IGF2BP3: variants seen among roughly 807,000 people sequenced by gnomAD.
IGF2BP3 encodes the protein insulin-like growth factor 2 mRNA-binding protein 3.
IGF2BP3 carries 9 observed loss-of-function variants against 73.8 expected under a neutral mutation model. The ratio of observed to expected loss-of-function variants is 0.12; its 90% CI spans 0.07 to 0.21. The LOEUF is 0.21. Ranked by LOEUF, IGF2BP3 falls within the 10% of genes least tolerant of loss-of-function variation. The pLI, the probability that IGF2BP3 is intolerant of heterozygous loss-of-function variation, is 1.00. For synonymous variants in IGF2BP3, 258 were observed against 256.7 expected (o/e 1.01, Z -0.05); for missense variants, 542 against 714.0 (o/e 0.76, Z 2.75).
Position 23,463,330 on chromosome 7 carries a change from TA to T in IGF2BP3, c.236+5151del, listed in dbSNP as rs1788492994. The stretch of plus-strand genomic sequence containing the variant: ...CCCAATCCTATAACCACACATTAAC[TA>T]AACTTGTGTCGCTCATAATAGTTTC... On this transcript the variant is annotated intron_variant, in intron 2 of 14. Coordinates refer to ENST00000258729, the MANE Select transcript of IGF2BP3 (RefSeq NM_006547.3). Among the ~76,000 whole-genome samples, 3 of 152,322 alleles carry T rather than the reference TA, an allele frequency of 2.0e-5. No homozygotes were observed. The South Asian group carries it at 6.2e-4, about 32-fold the overall frequency.
chr7:23,424,359 G>A (rs1393766320), intron 2 of IGF2BP3, among the ~76,000 whole-genome samples: 6 of 151,758 alleles, frequency 4.0e-5, no homozygotes, highest in South Asian at 2.1e-4. Flanking sequence ...TTAGCTGGGC[G>A]TAGTGGCAGG....
chr7:23,395,729 C>T (rs1326783869), intron 3 of IGF2BP3, among the ~76,000 whole-genome samples: 1 of 152,002 alleles, frequency 6.6e-6, no homozygotes, highest in African/African-American at 2.4e-5. Context: ...AGTTCGTGAC[C>T]AGCCTGGCCA....
chr7:23,333,909 T>C (rs1313929457), intron 10 of IGF2BP3, among the ~76,000 whole-genome samples: 1 of 152,214 alleles, frequency 6.6e-6, no homozygotes, highest in Non-Finnish European at 1.5e-5. Flanking sequence ...CCATGAAGCA[T>C]CTTCTTAACC....
chr7:23,325,587 A>G (rs960934337), intron 10 of IGF2BP3, among the ~76,000 whole-genome samples: 3 of 152,282 alleles, frequency 2.0e-5, no homozygotes, highest in African/African-American at 4.8e-5. Flanking sequence ...AAGTTCATAC[A>G]GAACCAAAAA....
intron 1 of IGF2BP3, 31 bp from the exon 2 acceptor site, chr7:23,468,573 C>T: frequency 6.2e-7 from 1 of 1,610,394 alleles, no homozygotes; most frequent in Admixed American, 1.7e-5. Context: ...AGACGGTCGG[C>T]CGAGTTCAGC....
chr7:23,405,411 C>T (rs1356935026), intron 3 of IGF2BP3, among the ~76,000 whole-genome samples: 1 of 152,182 alleles, frequency 6.6e-6, no homozygotes, highest in Admixed American at 6.6e-5. Flanking sequence ...AAGTGATTTG[C>T]TTCTTTTTTT....
chr7:23,364,103 C>T (rs948795865), intron 3 of IGF2BP3, among the ~76,000 whole-genome samples: 11 of 152,082 alleles, frequency 7.2e-5, no homozygotes, highest in African/African-American at 1.9e-4. Context: ...TCGCAGGGCG[C>T]GGTGGCTCAC....
In IGF2BP3 at chr7:23,319,174, G is replaced by T. The variant is rs1319695645; in HGVS notation, c.1284C>A (p.Ile428=). Residue 428 remains isoleucine, a synonymous_variant, in exon 11 of 15, where the codon ATC becomes ATA. Coordinates refer to ENST00000258729, the MANE Select transcript of IGF2BP3 (RefSeq NM_006547.3). ...GAIIGKQGQH[I]KQLSRFAGAS... ...CTCCAGCAAAGCGAGAAAGCTGCTT[G>T]ATGTGCTGGCCCTGCTTGCCGATGA... 2.5e-6 allele frequency: 4 copies of T among 1,613,744 alleles called. No homozygotes were observed. In the Admixed American group the frequency reaches 6.7e-5, roughly 27 times the overall value.
intron 1 of IGF2BP3, 129 bp from the exon 2 acceptor site, chr7:23,468,671 C>T: frequency 3.5e-6 from 3 of 867,900 alleles, no homozygotes; most frequent in Admixed American, 2.2e-5. Flanking sequence ...GGCCCGGACG[C>T]GGCTCCAGGC....
chr7:23,464,659 G>A (rs1037272119), intron 2 of IGF2BP3, among the ~76,000 whole-genome samples: 12 of 150,518 alleles, frequency 8.0e-5, no homozygotes, highest in African/African-American at 2.9e-4. Context: ...ACTCCAGCCT[G>A]GGCAACAGAG....
chr7:23,456,644 T>C (rs1462755701), intron 2 of IGF2BP3, among the ~76,000 whole-genome samples: 1 of 152,224 alleles, frequency 6.6e-6, no homozygotes, highest in Non-Finnish European at 1.5e-5. Context: ...CCTACAATTA[T>C]ATAGTCCTCC....
At chr7:23,325,374 C>T (rs574921219) in intron 10 of IGF2BP3, among the ~76,000 whole-genome samples, 1 of 151,872 alleles carries the variant, frequency 6.6e-6, no homozygotes, top group East Asian at 1.9e-4. Flanking sequence ...AGGGATGTGA[C>T]GGACCTCTTC....
chr7:23,381,975 A>AC (rs914289790), intron 3 of IGF2BP3, among the ~76,000 whole-genome samples: 11 of 152,178 alleles, frequency 7.2e-5, no homozygotes, highest in African/African-American at 2.7e-4. Flanking sequence ...CCACTATGTG[A>AC]CCTGGTGCAG....
rs1584000429 is a variant in IGF2BP3 at position 23,405,103 on chromosome 7, A to C, written c.285+13673T>G. ...GTCCTGTTCAGTCTCAATTCAACCA[A>C]AGGTTATCTACAAGAAAAAAGCAAA... On this transcript the variant is annotated intron_variant, in intron 3 of 14. Transcript: ENST00000258729. The C allele has an allele frequency of 2.0e-5, 3 of 152,338 alleles. No homozygotes were observed. In the South Asian group the frequency reaches 6.2e-4, roughly 32 times the overall value. 9.4% of individuals were successfully genotyped at this position (152,338 alleles called of 1,614,324 possible).
At chr7:23,316,535 C>A (rs1019352450) in intron 12 of IGF2BP3, among the ~76,000 whole-genome samples, 13 of 151,852 alleles carry the variant, frequency 8.6e-5, no homozygotes, top group African/African-American at 3.1e-4. Flanking sequence ...ATTGGCTGGG[C>A]GTGGCGGCAC....
rs557233426 is a variant in IGF2BP3, at chr7:23,353,100, C to T, written c.402-1514G>A. ...ATGAAAAACAAAAAGAAAGAAGTCC[C>T]CACACTTCCCAGTGTCACTCAGGTT... On this transcript the variant is annotated intron_variant, in intron 5 of 14. Coordinates refer to ENST00000258729, the MANE Select transcript of IGF2BP3 (RefSeq NM_006547.3). Among the ~76,000 whole-genome samples, 10 of 152,270 alleles carry T rather than the reference C, an allele frequency of 6.6e-5. No homozygotes were observed. In the South Asian group the frequency reaches 2.1e-3, roughly 32 times the overall value.
chr7:23,380,665 C>T (rs973111234), intron 3 of IGF2BP3, among the ~76,000 whole-genome samples: 4 of 152,186 alleles, frequency 2.6e-5, no homozygotes, highest in Admixed American at 1.3e-4. Flanking sequence ...GGATGAATAG[C>T]GCCCTTTAAA....
At chr7:23,403,995 G>A (rs752278535) in intron 3 of IGF2BP3, among the ~76,000 whole-genome samples, 2 of 151,062 alleles carry the variant, frequency 1.3e-5, no homozygotes, top group Non-Finnish European at 2.9e-5. Context: ...TTAAATTAAT[G>A]GGGCACAGCG....
chr7:23,410,669 C>T (rs552614536), intron 3 of IGF2BP3, among the ~76,000 whole-genome samples: 1 of 152,300 alleles, frequency 6.6e-6, no homozygotes, highest in Admixed American at 6.5e-5. Context: ...CTAATAACTT[C>T]CCCAATGAAA....
Sources: allele counts gnomAD v4.1 joint callset (sites outside exome capture counted in the v4.1 genomes callset), GRCh38; gene constraint gnomAD v4.1.1; transcripts MANE v1.5; gene names NCBI Gene and HGNC (gene_info 2026-07-23, HGNC 2026-07-21).